Variants in NDST4 observed in about 807,000 individuals in gnomAD.
NDST4 encodes the protein N-heparan sulfate sulfotransferase 4.
In NDST4, 63 loss-of-function variants were observed where a neutral mutation model predicts 100.8. The ratio of observed to expected loss-of-function variants is 0.62; its 90% CI spans 0.51 to 0.77. NDST4 has a LOEUF of 0.77. Ranked by LOEUF, NDST4 falls within the 30% of genes least tolerant of loss-of-function variation. NDST4 has a pLI of 0.00. For missense variants in NDST4, 943 were observed against 1,018.4 expected (o/e 0.93, Z 1.01); for synonymous variants, 377 against 361.8 (o/e 1.04, Z -0.48).
intron 1 of NDST4, among the ~76,000 whole-genome samples, chr4:115,077,520 A>G (rs1729214395): frequency 6.6e-6 from 1 of 152,184 alleles, no homozygotes. Context: ...ATCCATATGT[A>G]TATAGAAACA....
intron 2 of NDST4, among the ~76,000 whole-genome samples, chr4:114,984,330 C>T (rs559593485): frequency 5.3e-4 from 81 of 152,108 alleles, no homozygotes; most frequent in Middle Eastern, 6.8e-3. Flanking sequence ...AGGCACCCAC[C>T]ACCATGCCAG....
At chr4:114,991,007 GAA>G (rs1727025224) in intron 2 of NDST4, among the ~76,000 whole-genome samples, 2 of 151,920 alleles carry the variant, frequency 1.3e-5, no homozygotes, top group South Asian at 4.1e-4. Flanking sequence ...CTTCTGAGAG[GAA>G]GACAACAAAT....
chr4:114,903,690 T>G (rs186914118), intron 6 of NDST4, among the ~76,000 whole-genome samples: 164 of 152,140 alleles, frequency 1.1e-3, no homozygotes, highest in African/African-American at 3.9e-3. Flanking sequence ...AGAATGGAGT[T>G]GCGACTGCCA....
chr4:114,971,914 T>C (rs551683397), intron 3 of NDST4, among the ~76,000 whole-genome samples: 1 of 152,060 alleles, frequency 6.6e-6, no homozygotes, highest in Non-Finnish European at 1.5e-5. Context: ...TAGTTCCCTG[T>C]TTTAAAATAG....
chr4:115,029,232 G>A (rs1225266999), intron 2 of NDST4, among the ~76,000 whole-genome samples: 1 of 152,066 alleles, frequency 6.6e-6, no homozygotes, highest in Non-Finnish European at 1.5e-5. Context: ...GGGTTTTTAA[G>A]ATGAATAAGC....
At chr4:114,980,697 T>C (rs1287140784) in intron 2 of NDST4, among the ~76,000 whole-genome samples, 2 of 150,536 alleles carry the variant, frequency 1.3e-5, no homozygotes, top group African/African-American at 5.0e-5. Context: ...GTTTAGAGCT[T>C]TGACAATATA....
At chr4:115,004,200 C>A (rs559668367) in intron 2 of NDST4, among the ~76,000 whole-genome samples, 2 of 152,278 alleles carry the variant, frequency 1.3e-5, no homozygotes, top group Non-Finnish European at 2.9e-5. Flanking sequence ...AGCTGAAAAT[C>A]ATTTGTACCA....
chr4:115,067,470 T>A (rs1392319741), intron 2 of NDST4, among the ~76,000 whole-genome samples: 2 of 152,146 alleles, frequency 1.3e-5, no homozygotes, highest in African/African-American at 4.8e-5. Flanking sequence ...GTTCATAGGA[T>A]AAATAATGTC....
intron 7 of NDST4, among the ~76,000 whole-genome samples, chr4:114,863,384 T>C (rs572167777): frequency 2.6e-5 from 4 of 152,378 alleles, no homozygotes; most frequent in South Asian, 2.1e-4. Context: ...AGTTAAATTA[T>C]GTGCGTGTGT....
At chr4:114,850,171 T>TG (rs1723642372) in intron 8 of NDST4, among the ~76,000 whole-genome samples, 1 of 152,192 alleles carries the variant, frequency 6.6e-6, no homozygotes, top group African/African-American at 2.4e-5. Context: ...TGAAGGTAGA[T>TG]GCATGCAGGG....
At chr4:114,999,929 C>A (rs1028967382) in intron 2 of NDST4, among the ~76,000 whole-genome samples, 1 of 151,904 alleles carries the variant, frequency 6.6e-6, no homozygotes, top group African/African-American at 2.4e-5. Context: ...AAAAAATCTT[C>A]TTTTTGCCAA....
At chr4:115,020,829 G>T (rs1330941876) in intron 2 of NDST4, among the ~76,000 whole-genome samples, 2 of 151,962 alleles carry the variant, frequency 1.3e-5, no homozygotes, top group East Asian at 1.9e-4. Flanking sequence ...CTCCACTAAT[G>T]ATCAGGGAAA....
chr4:115,071,110 A>G (rs1478799032), intron 2 of NDST4, among the ~76,000 whole-genome samples: 1 of 151,972 alleles, frequency 6.6e-6, no homozygotes, highest in Non-Finnish European at 1.5e-5. Context: ...CTCCATTTCA[A>G]AAAATACTAA....
chr4:114,970,044 T>A (rs545419573), intron 4 of NDST4, among the ~76,000 whole-genome samples: 1 of 152,280 alleles, frequency 6.6e-6, no homozygotes, highest in South Asian at 2.1e-4. Context: ...TGGTTTTGAT[T>A]TGTATTTCTC....
intron 2 of NDST4, among the ~76,000 whole-genome samples, chr4:114,982,059 A>G (rs1309941905): frequency 1.3e-5 from 2 of 152,162 alleles, no homozygotes; most frequent in African/African-American, 4.8e-5. Context: ...TGAGTCAATT[A>G]AACTTACTTT....
chr4:115,005,550 T>C (rs1270796021), intron 2 of NDST4, among the ~76,000 whole-genome samples: 2 of 152,028 alleles, frequency 1.3e-5, no homozygotes, highest in Non-Finnish European at 2.9e-5. Flanking sequence ...GGTTGAACAA[T>C]GAGTGACAAG....
intron 2 of NDST4, among the ~76,000 whole-genome samples, chr4:114,995,438 C>G (rs1727138726): frequency 1.3e-5 from 2 of 151,994 alleles, no homozygotes; most frequent in Non-Finnish European, 1.5e-5. Flanking sequence ...TTTGACATCT[C>G]TTTTGTAGAG....
Position 115,076,370 on chromosome 4 carries a change from A to T in NDST4, c.667T>A (p.Phe223Ile). 6.2e-7 allele frequency: 1 copy of T among 1,614,002 alleles called. No individual in the cohort carries two copies. The highest frequency in any genetic ancestry group is 8.5e-7 in the Non-Finnish European group (1 of 1,179,968). ...GPLPGEDWTI[F>I]QYNHSTYQPV... Reference sequence around the variant, plus strand: ...TGGTAGGTTGAATGATTATATTGGAAAATAGTCCAGTCTTCCCCAGGAAGA... The same window carrying T: ...TGGTAGGTTGAATGATTATATTGGATAATAGTCCAGTCTTCCCCAGGAAGA... The change falls in exon 2 of 14, where the codon TTC becomes ATC. Residue 223 changes from phenylalanine (F) to isoleucine (I), a missense_variant. By Grantham distance (21) the Phe-to-Ile change is conservative (BLOSUM62 0). Coordinates refer to ENST00000264363, the MANE Select transcript of NDST4 (RefSeq NM_022569.3).
rs549173197 is a variant in NDST4 at position 115,048,399 on chromosome 4, T to C, written c.978+27660A>G. On this transcript the variant is annotated intron_variant, in intron 2 of 13. Transcript: ENST00000264363. ...ATTCATTCATGAAAATATACACTTA[T>C]TGAAAAAAATCCTTATTCAGCCTCT... Among the ~76,000 whole-genome samples, 8 of 152,274 alleles carry C rather than the reference T, an allele frequency of 5.3e-5. No individual in the cohort carries two copies. In the South Asian group the frequency reaches 1.7e-3, roughly 32 times the overall value.
Sources: gnomAD v4.1 joint callset for allele counts (sites outside exome capture counted in the v4.1 genomes callset) on GRCh38, gnomAD v4.1.1 for gene constraint, MANE v1.5 for transcripts, NCBI Gene and HGNC (gene_info 2026-07-23, HGNC 2026-07-21) for gene names.